RAB18: variants seen among roughly 807,000 people sequenced by gnomAD.
RAB18 encodes RAB18, member RAS oncogene family.
A neutral mutation model predicts 28.5 loss-of-function variants in RAB18; 10 were observed. The ratio of observed to expected loss-of-function variants is 0.35; its 90% CI spans 0.22 to 0.60. The LOEUF is 0.60. Ranked by LOEUF, RAB18 falls within the 20% of genes least tolerant of loss-of-function variation. RAB18 has a pLI of 0.78. For synonymous variants in RAB18, 93 were observed against 86.9 expected, an observed-to-expected ratio of 1.07 and a Z score of -0.39; for missense variants, 188 against 244.2, an observed-to-expected ratio of 0.77 and a Z score of 1.53.
chr10:27,509,299 C>T (rs1227923632), intron 1 of RAB18, among the ~76,000 whole-genome samples: 4 of 152,166 alleles, frequency 2.6e-5, no homozygotes, highest in African/African-American at 9.7e-5. Context: ...TTTACACACT[C>T]TACCTAGTGT....
In RAB18 at chr10:27,542,236, G is replaced by A. The variant is rs772242395; in HGVS notation, c.*4185G>A. 8.4e-5 allele frequency: 38 copies of A among 453,868 alleles called. No homozygotes were observed. The highest frequency in any genetic ancestry group is 1.3e-4 in the Non-Finnish European group (30 of 226,758). 28.1% of individuals were successfully genotyped at this position (453,868 alleles called of 1,614,324 possible). A position where few individuals can be genotyped will look rare whatever the true frequency, so the allele number is the denominator to read the frequency against. The stretch of plus-strand genomic sequence containing the variant: ...CCAATAAATTCCTTTTTTGTTGAAG[G>A]CAATTTGACTTGGATTTTCTTTTTT... On this transcript the variant is annotated 3_prime_UTR_variant, in exon 7 of 7. Coordinates refer to ENST00000356940, the MANE Select transcript of RAB18 (RefSeq NM_021252.5).
intron 2 of RAB18, among the ~76,000 whole-genome samples, chr10:27,518,692 C>T (rs1387737904): frequency 6.6e-6 from 1 of 151,878 alleles, no homozygotes; most frequent in East Asian, 1.9e-4. Flanking sequence ...ATATGCTTTG[C>T]AAATGTTTTC....
chr10:27,523,248 T>A (rs546483083), intron 2 of RAB18, among the ~76,000 whole-genome samples: 1 of 145,418 alleles, frequency 6.9e-6, no homozygotes, highest in Non-Finnish European at 1.5e-5. Context: ...TTATGATGTC[T>A]CCGAGTTTTT....
chr10:27,538,329 A>G lies in RAB18; in HGVS notation c.*278A>G, dbSNP rs41282848. ...GATTTACATTTATCATGTAATTTTT[A>G]AAAAAATCCATCTATCTAGGATATG... On this transcript the variant is annotated 3_prime_UTR_variant, in exon 7 of 7. Coordinates refer to ENST00000356940, the MANE Select transcript of RAB18 (RefSeq NM_021252.5). The G allele has an allele frequency of 3.7e-6, 2 of 540,706 alleles. No homozygotes were observed. Among genetic ancestry groups the G allele is most frequent in the East Asian group, 4.5e-5 (1 of 22,068 alleles). The allele number at this position is 540,706 out of a possible 1,614,324, so 33.5% of individuals were successfully genotyped here.
intron 1 of RAB18, chr10:27,504,969 T>C (rs756121974): frequency 3.8e-6 from 2 of 533,212 alleles, no homozygotes; most frequent in Non-Finnish European, 7.7e-6. Flanking sequence ...TTCTTTTACT[T>C]TTTTATTAGT....
chr10:27,535,977 G>C (rs955869192), intron 6 of RAB18, among the ~76,000 whole-genome samples: 11 of 152,074 alleles, frequency 7.2e-5, no homozygotes, highest in Admixed American at 6.6e-5. Context: ...CAGCTACTTG[G>C]GAGGCTGAGG....
At chr10:27,518,187 T>C (rs1342256379) in intron 2 of RAB18, among the ~76,000 whole-genome samples, 1 of 152,226 alleles carries the variant, frequency 6.6e-6, no homozygotes, top group Non-Finnish European at 1.5e-5. Context: ...TGAATAGTCC[T>C]GTTGTAAACA....
chr10:27,528,805 CT>C (rs953184485), intron 3 of RAB18, among the ~76,000 whole-genome samples: 1 of 151,544 alleles, frequency 6.6e-6, no homozygotes, highest in African/African-American at 2.4e-5. Context: ...ACCAAAAAGC[CT>C]TTTTTTTCAG....
chr10:27,529,364 A>G (rs1299637881), intron 3 of RAB18, among the ~76,000 whole-genome samples: 1 of 151,976 alleles, frequency 6.6e-6, no homozygotes, highest in Non-Finnish European at 1.5e-5. Flanking sequence ...CTGTATTAGA[A>G]ATATATGAAT....
chr10:27,506,757 C>T (rs1181640078), intron 1 of RAB18, among the ~76,000 whole-genome samples: 3 of 152,120 alleles, frequency 2.0e-5, no homozygotes, highest in African/African-American at 7.2e-5. Flanking sequence ...GACACCCAAC[C>T]GAGGTTCTCC....
At chr10:27,511,139 T>A (rs1015989247) in intron 2 of RAB18, among the ~76,000 whole-genome samples, 4 of 152,230 alleles carry the variant, frequency 2.6e-5, no homozygotes, top group African/African-American at 7.2e-5. Context: ...AATAATTGTT[T>A]CGGGTCCAGG....
chr10:27,523,939 C>A (rs968078896), intron 2 of RAB18, among the ~76,000 whole-genome samples: 1 of 151,192 alleles, frequency 6.6e-6, no homozygotes, highest in Non-Finnish European at 1.5e-5. Flanking sequence ...ATTAGCCGGG[C>A]GTGGTGGCAG....
Position 27,532,005 on chromosome 10 carries a change from T to G in RAB18, c.187-502T>G, listed in dbSNP as rs556067353. ...ATGCATTTTCTCAAAAGGAGATACA[T>G]AGAAAACACTTAAAAGAGCCCAACC... On this transcript the variant is annotated intron_variant, in intron 3 of 6. Transcript: ENST00000356940. Among the ~76,000 whole-genome samples the G allele has an allele frequency of 1.2e-4, 18 of 151,982 alleles. No individual in the cohort carries two copies. The South Asian group carries it at 3.7e-3, about 31-fold the overall frequency.
At chr10:27,532,840 C>T (rs1175925432) in intron 4 of RAB18, among the ~76,000 whole-genome samples, 2 of 152,016 alleles carry the variant, frequency 1.3e-5, no homozygotes, top group Non-Finnish European at 2.9e-5. Context: ...GATTAATCAG[C>T]ATATGTTGGA....
At chr10:27,521,228 T>C (rs996085584) in intron 2 of RAB18, among the ~76,000 whole-genome samples, 74 of 152,174 alleles carry the variant, frequency 4.9e-4, no homozygotes, top group Non-Finnish European at 2.4e-4. Flanking sequence ...TCCTGGAGAA[T>C]GTTTCATGTA....
chr10:27,526,945 A>G (rs987031520), intron 3 of RAB18, 56 bp downstream of exon 3: 2 of 1,547,122 alleles, frequency 1.3e-6, no homozygotes, highest in Non-Finnish European at 1.8e-6. Flanking sequence ...TTAAGGATGC[A>G]GAAATTGATT....
chr10:27,533,608 C>A, intron 4 of RAB18, 127 bp from the exon 5 acceptor site: 1 of 1,081,786 alleles, frequency 9.2e-7, no homozygotes, highest in South Asian at 1.5e-5. Context: ...CAATATTAAT[C>A]GTTGAAGACA....
rs560571679 is a variant in RAB18 at position 27,539,994 on chromosome 10, G to A, written c.*1943G>A. Reference sequence around the variant, plus strand: ...AAATGAAACAGTTGTAATATCTAAGGTCAGGCACCTAGTAACAGGGTTTTG... The same window carrying A: ...AAATGAAACAGTTGTAATATCTAAGATCAGGCACCTAGTAACAGGGTTTTG... On this transcript the variant is annotated 3_prime_UTR_variant, in exon 7 of 7. Transcript: ENST00000356940. 18 of 453,888 alleles carry A rather than the reference G, an allele frequency of 4.0e-5. No homozygotes were observed. In the East Asian group the frequency reaches 1.3e-3, roughly 32 times the overall value. 28.1% of individuals were successfully genotyped at this position (453,888 alleles called of 1,614,324 possible).
At chr10:27,505,977 G>C (rs540966583) in intron 1 of RAB18, among the ~76,000 whole-genome samples, 43 of 152,250 alleles carry the variant, frequency 2.8e-4, no homozygotes, top group African/African-American at 9.6e-4. Flanking sequence ...TGATTTGTCT[G>C]TGTGTGTGTA....
Sources: allele counts gnomAD v4.1 joint callset (sites outside exome capture counted in the v4.1 genomes callset), GRCh38; gene constraint gnomAD v4.1.1; transcripts MANE v1.5; gene names NCBI Gene and HGNC (gene_info 2026-07-23, HGNC 2026-07-21).